The following LTBP1 variants were observed in gnomAD, a reference collection of about 807,000 sequenced individuals.
The protein encoded by LTBP1 is latent transforming growth factor beta binding protein 1.
Under a neutral mutation model 207.6 loss-of-function variants are expected in LTBP1, and 129 were observed. That is an observed-to-expected ratio of 0.62 (90% CI 0.54 to 0.72). LTBP1 has a LOEUF of 0.72. Among genes scored for constraint, LTBP1 ranks in the 30% least tolerant of loss-of-function variants. The pLI, the probability that LTBP1 is intolerant of heterozygous loss-of-function variation, is 0.00. For missense variants in LTBP1, 2,281 were observed against 2,217.2 expected (o/e 1.03, Z -0.58); for synonymous variants, 963 against 833.7 (o/e 1.16, Z -2.67).
intron 32 of LTBP1, among the ~76,000 whole-genome samples, chr2:33,396,617 A>G (rs1448064389): frequency 6.6e-6 from 1 of 152,170 alleles, no homozygotes; most frequent in African/African-American, 2.4e-5. Context: ...GCCCTTTTGT[A>G]AGGCTCATTC....
intron 3 of LTBP1, among the ~76,000 whole-genome samples, chr2:33,054,671 C>T (rs988523932): frequency 2.0e-5 from 3 of 152,176 alleles, no homozygotes; most frequent in African/African-American, 4.8e-5. Context: ...TGGGTGGTAA[C>T]GGACCTTGAG....
chr2:33,010,746 A>C (rs1368804331), intron 2 of LTBP1, among the ~76,000 whole-genome samples: 1 of 128,752 alleles, frequency 7.8e-6, no homozygotes, highest in Non-Finnish European at 1.6e-5. Flanking sequence ...TTTGAGATGG[A>C]GTCTTGCTCT....
At chr2:33,026,689 G>C (rs932584368) in intron 3 of LTBP1, among the ~76,000 whole-genome samples, 2 of 152,204 alleles carry the variant, frequency 1.3e-5, no homozygotes, top group Admixed American at 1.3e-4. Flanking sequence ...AAGGTGCTCA[G>C]TGCTCAATTC....
At chr2:33,144,363 G>A (rs2082859587) in intron 5 of LTBP1, among the ~76,000 whole-genome samples, 1 of 152,098 alleles carries the variant, frequency 6.6e-6, no homozygotes, top group African/African-American at 2.4e-5. Flanking sequence ...ATATCATATG[G>A]CCAAGACAAT....
chr2:32,969,609 C>CT (rs1269574770), intron 2 of LTBP1, among the ~76,000 whole-genome samples: 25 of 152,210 alleles, frequency 1.6e-4, no homozygotes, highest in African/African-American at 5.8e-4. Context: ...TGATCTCATT[C>CT]TTTTTTAAGG....
At chr2:33,082,749 G>A (rs748252028) in intron 3 of LTBP1, among the ~76,000 whole-genome samples, 6 of 152,042 alleles carry the variant, frequency 3.9e-5, no homozygotes, top group Non-Finnish European at 7.4e-5. Flanking sequence ...TCATAACTCC[G>A]TTTATATTTC....
chr2:33,122,092 CT>C (rs980260789), intron 4 of LTBP1, among the ~76,000 whole-genome samples: 1 of 151,820 alleles, frequency 6.6e-6, no homozygotes, highest in African/African-American at 2.4e-5. Flanking sequence ...TGCGTGTCCC[CT>C]TGACTCTGGG....
intron 2 of LTBP1, among the ~76,000 whole-genome samples, chr2:32,970,403 G>A (rs1680674814): frequency 1.3e-5 from 2 of 152,134 alleles, no homozygotes; most frequent in African/African-American, 4.8e-5. Flanking sequence ...TTATGTTTAA[G>A]TATTTAGTCC....
intron 5 of LTBP1, among the ~76,000 whole-genome samples, chr2:33,145,815 T>C (rs564206928): frequency 6.6e-6 from 1 of 152,196 alleles, no homozygotes; most frequent in South Asian, 2.1e-4. Flanking sequence ...TCCTTTGTAT[T>C]ATACCATTTT....
intron 4 of LTBP1, among the ~76,000 whole-genome samples, chr2:33,112,031 GA>G (rs2080441822): frequency 6.6e-6 from 1 of 152,106 alleles, no homozygotes; most frequent in Non-Finnish European, 1.5e-5. Context: ...AAAAATTAAG[GA>G]AAAGATGTAC....
intron 13 of LTBP1, among the ~76,000 whole-genome samples, 197 bp downstream of exon 13, chr2:33,259,807 A>G (rs929229249): frequency 2.6e-5 from 4 of 152,164 alleles, no homozygotes; most frequent in Admixed American, 2.6e-4. Context: ...TCTCAGTGTT[A>G]GGAAAACAAT....
At position 33,321,111 on chromosome 2, in the gene LTBP1, TCTC is replaced by T. The variant is rs199525369; in HGVS notation, c.3730+5848_3730+5850del. Among the ~76,000 whole-genome samples, 531 of 152,262 alleles carry T rather than the reference TCTC, an allele frequency of 3.5e-3. 2 individuals are homozygous for T. The highest frequency in any genetic ancestry group is 0.012 in the African/African-American group (508 of 41,542). ...TGGACTGAGTATGGGATCAGCAGCT[TCTC>T]CTCCTAGTTTTCAAAAATGATTCTA... On this transcript the variant is annotated intron_variant, in intron 24 of 33. Coordinates refer to ENST00000404816, the MANE Select transcript of LTBP1 (RefSeq NM_206943.4).
chr2:33,005,193 A>G (rs1244542023), intron 2 of LTBP1, among the ~76,000 whole-genome samples: 1 of 152,162 alleles, frequency 6.6e-6, no homozygotes, highest in Non-Finnish European at 1.5e-5. Context: ...AACCAACACA[A>G]CCATTTATTT....
chr2:33,054,478 A>G (rs1235283566), intron 3 of LTBP1, among the ~76,000 whole-genome samples: 3 of 152,176 alleles, frequency 2.0e-5, no homozygotes, highest in Non-Finnish European at 4.4e-5. Context: ...GGGGACAACA[A>G]ATGGGTAACT....
chr2:33,388,773 C>T (rs1041024770), intron 31 of LTBP1, among the ~76,000 whole-genome samples: 5 of 152,070 alleles, frequency 3.3e-5, no homozygotes, highest in South Asian at 4.2e-4. Flanking sequence ...CTCTAGAGAG[C>T]GAAAAAGCAC....
At chr2:33,377,628 AG>A (rs920351590) in intron 31 of LTBP1, among the ~76,000 whole-genome samples, 3 of 152,260 alleles carry the variant, frequency 2.0e-5, no homozygotes, top group African/African-American at 7.2e-5. Flanking sequence ...TTTGAGCGAA[AG>A]GAGAGAAATT....
At chr2:33,095,393 C>G (rs1026989066) in intron 3 of LTBP1, among the ~76,000 whole-genome samples, 2 of 152,176 alleles carry the variant, frequency 1.3e-5, no homozygotes, top group Non-Finnish European at 2.9e-5. Flanking sequence ...TGAAAAGCAA[C>G]AGCTGGAAAG....
At chr2:33,241,913 A>G (rs895565276) in intron 9 of LTBP1, among the ~76,000 whole-genome samples, 3 of 152,218 alleles carry the variant, frequency 2.0e-5, no homozygotes, top group African/African-American at 7.2e-5. Context: ...GCATTACAGA[A>G]CAACACACAC....
At chr2:33,394,482 A>G (rs1277968291) in intron 32 of LTBP1, among the ~76,000 whole-genome samples, 1 of 152,200 alleles carries the variant, frequency 6.6e-6, no homozygotes, top group Non-Finnish European at 1.5e-5. Context: ...ATAATTTTGT[A>G]AGGAAGGGAT....
Sources: allele counts gnomAD v4.1 joint callset (sites outside exome capture counted in the v4.1 genomes callset), GRCh38; gene constraint gnomAD v4.1.1; transcripts MANE v1.5; gene names NCBI Gene and HGNC (gene_info 2026-07-23, HGNC 2026-07-21).